DST: variants seen among roughly 807,000 people sequenced by gnomAD.
The protein encoded by DST is dystonin, also known as bullous pemphigoid antigen.
Under a neutral mutation model 875.2 loss-of-function variants are expected in DST, and 253 were observed. The ratio of observed to expected loss-of-function variants is 0.29; its 90% CI spans 0.26 to 0.32. The LOEUF is 0.32. Ranked by LOEUF, DST falls within the 10% of genes least tolerant of loss-of-function variation. DST has a pLI of 1.00. For missense variants in DST, 8,287 were observed against 9,111.6 expected (o/e 0.91, Z 3.68); for synonymous variants, 3,124 against 3,197.1 (o/e 0.98, Z 0.77).
At chr6:56,545,733 G>A (rs1301352687) in intron 61 of DST, among the ~76,000 whole-genome samples, 1 of 152,138 alleles carries the variant, frequency 6.6e-6, no homozygotes, top group African/African-American at 2.4e-5. Context: ...TGAAGGATTG[G>A]AGGTATTAAG....
At chr6:56,601,140 T>A (rs2152702900) in intron 44 of DST, among the ~76,000 whole-genome samples, 1 of 152,146 alleles carries the variant, frequency 6.6e-6, no homozygotes, top group South Asian at 2.1e-4. Flanking sequence ...TCTTTAGTCA[T>A]ATGTTCCTCA....
chr6:56,930,410 A>C (rs1301570856), intron 2 of DST, among the ~76,000 whole-genome samples: 2 of 152,244 alleles, frequency 1.3e-5, no homozygotes, highest in African/African-American at 4.8e-5. Flanking sequence ...GAAAACACAC[A>C]AAAAAATGAA....
At chr6:56,916,776 T>TCTCTCACACA (rs1801239157) in intron 2 of DST, among the ~76,000 whole-genome samples, 2 of 71,974 alleles carry the variant, frequency 2.8e-5, no homozygotes, top group South Asian at 6.4e-4. Context: ...TCTCTCTCTC[T>TCTCTCACACA]CTCACACACA....
intron 59 of DST, among the ~76,000 whole-genome samples, chr6:56,556,129 C>G (rs1041958671): frequency 6.6e-6 from 1 of 152,128 alleles, no homozygotes. Flanking sequence ...AGAAACACTG[C>G]TGTTAAACAA....
In DST at chr6:56,585,338, G is replaced by A. The variant is rs1386852115; in HGVS notation, c.12904-6401C>T. 2.4e-4 allele frequency among the ~76,000 whole-genome samples: 36 copies of A among 152,106 alleles called. No individual in the cohort carries two copies. In the East Asian group the frequency reaches 3.7e-3, roughly 16 times the overall value. On this transcript the variant is annotated intron_variant, in intron 49 of 103. Coordinates refer to ENST00000680361, the MANE Select transcript of DST (RefSeq NM_001374736.1). ...TTAGTCTTGGGAGAGTGTATGTGTCGAGGAATTTATCCATTTCTTCTAGAT... is the reference window on the plus strand; with the variant it reads ...TTAGTCTTGGGAGAGTGTATGTGTCAAGGAATTTATCCATTTCTTCTAGAT...
intron 2 of DST, among the ~76,000 whole-genome samples, chr6:56,919,119 A>C (rs2127735363): frequency 6.6e-6 from 1 of 152,164 alleles, no homozygotes; most frequent in East Asian, 1.9e-4. Flanking sequence ...GAATAAAATA[A>C]TTTACTATAT....
At chr6:56,534,857 T>C (rs769299867) in intron 63 of DST, among the ~76,000 whole-genome samples, 12 of 152,348 alleles carry the variant, frequency 7.9e-5, no homozygotes, top group Middle Eastern at 6.8e-3. Context: ...CTTTCAATCC[T>C]GGCACACCCT....
At chr6:56,508,952 T>C (rs2096405096) in intron 74 of DST, among the ~76,000 whole-genome samples, 197 bp from the exon 75 acceptor site, 1 of 152,184 alleles carries the variant, frequency 6.6e-6, no homozygotes, top group Admixed American at 6.6e-5. Context: ...TCTCTGGGTC[T>C]GCTATTCTTG....
intron 4 of DST, among the ~76,000 whole-genome samples, chr6:56,826,335 A>T (rs2099780444): frequency 1.3e-5 from 2 of 152,222 alleles, no homozygotes; most frequent in Admixed American, 1.3e-4. Flanking sequence ...CACATGGAAG[A>T]AGCTTTTCTC....
chr6:56,924,367 T>C (rs1007857900), intron 2 of DST, among the ~76,000 whole-genome samples: 1 of 152,164 alleles, frequency 6.6e-6, no homozygotes, highest in Non-Finnish European at 1.5e-5. Context: ...GAGCCAGTTA[T>C]ATGCATATTG....
At chr6:56,482,397 A>T in intron 89 of DST, 1 of 557,762 alleles carries the variant, frequency 1.8e-6, no homozygotes, top group Non-Finnish European at 2.8e-6. Flanking sequence ...AAAATTTACC[A>T]CTTTAACAAC....
Position 56,496,018 on chromosome 6 carries a change from A to G in DST, c.20223+1361T>C, listed in dbSNP as rs2095889278. Among the ~76,000 whole-genome samples the G allele has an allele frequency of 2.0e-5, 3 of 152,084 alleles. No individual in the cohort carries two copies. The South Asian group carries it at 6.2e-4, about 32-fold the overall frequency. On this transcript the variant is annotated intron_variant, in intron 82 of 103. Coordinates refer to ENST00000680361, the MANE Select transcript of DST (RefSeq NM_001374736.1). ...TTAAAGAGTGTAGATATTGATGTAC[A>G]CTGATCTATTTCTTTTGCCAAATTT...
In DST at chr6:56,615,336, C is replaced by T. The variant is rs1411267882; in HGVS notation, c.4930-852G>A. 3.5e-6 allele frequency: 5 copies of T among 1,440,398 alleles called. No individual in the cohort carries two copies. In the African/African-American group the frequency reaches 7.1e-5, roughly 21 times the overall value. 89.2% of individuals were successfully genotyped at this position (1,440,398 alleles called of 1,614,324 possible). On this transcript the variant is annotated intron_variant, in intron 36 of 103. Transcript: ENST00000680361. ...TGAAACCATTTGAAGGGCATTAAAT[C>T]TTATGTAATTTTCAATTTAAAACTT...
rs1187075780 is a variant in DST at position 56,458,868 on chromosome 6, A to G, written c.*137T>C. On this transcript the variant is annotated 3_prime_UTR_variant, in exon 104 of 104. Transcript: ENST00000680361. ...ATTATACAGATAAAATAAAAAGACA[A>G]ATACACAAATAAGGCCATCTGCAGA... is the stretch of plus-strand genomic sequence containing the variant. 7 of 928,958 alleles carry G rather than the reference A, an allele frequency of 7.5e-6. No individual in the cohort carries two copies. Among genetic ancestry groups the G allele is most frequent in the Non-Finnish European group, 1.1e-5 (7 of 654,496 alleles). 57.5% of individuals were successfully genotyped at this position (928,958 alleles called of 1,614,324 possible).
At chr6:56,602,403 G>A (rs547471127) in intron 43 of DST, among the ~76,000 whole-genome samples, 4 of 152,022 alleles carry the variant, frequency 2.6e-5, no homozygotes, top group African/African-American at 7.2e-5. Flanking sequence ...GGAGCAACAG[G>A]TATATCATAT....
chr6:56,527,828 C>A, intron 67 of DST, 94 bp from the exon 68 acceptor site: 1 of 1,314,192 alleles, frequency 7.6e-7, no homozygotes. Context: ...GAAATTTCCA[C>A]AGAACAAAAG....
intron 4 of DST, among the ~76,000 whole-genome samples, chr6:56,764,016 T>A (rs1326873512): frequency 6.6e-6 from 1 of 151,794 alleles, no homozygotes; most frequent in East Asian, 2.0e-4. Context: ...TTAAGTATAG[T>A]ATTAAGTCTG....
chr6:56,851,196 A>C, intron 4 of DST: 1 of 579,410 alleles, frequency 1.7e-6, no homozygotes, highest in Admixed American at 3.0e-5. Flanking sequence ...GCAGGGCCAA[A>C]CAGCTTAGTC....
chr6:56,902,149 A>G (rs1470532468), intron 2 of DST, among the ~76,000 whole-genome samples: 1 of 152,228 alleles, frequency 6.6e-6, no homozygotes, highest in Non-Finnish European at 1.5e-5. Context: ...AGATGGGTGG[A>G]GTATTTACAA....
Sources: allele counts gnomAD v4.1 joint callset (sites outside exome capture counted in the v4.1 genomes callset), GRCh38; gene constraint gnomAD v4.1.1; transcripts MANE v1.5; gene names NCBI Gene and HGNC (gene_info 2026-07-23, HGNC 2026-07-21).